Variants in YEATS2 observed in about 807,000 individuals in gnomAD.
YEATS2 encodes YEATS domain-containing protein 2.
A neutral mutation model predicts 163.2 loss-of-function variants in YEATS2; 77 were observed. The observed-to-expected ratio is 0.47, with a 90% CI of 0.39 to 0.57. YEATS2 has a LOEUF of 0.57. Ranked by LOEUF, YEATS2 falls within the 20% of genes least tolerant of loss-of-function variation. The pLI, the probability that YEATS2 is intolerant of heterozygous loss-of-function variation, is 0.00. For synonymous variants in YEATS2, 631 were observed against 645.1 expected, an observed-to-expected ratio of 0.98 and a Z score of 0.33; for missense variants, 1,549 against 1,729.8, an observed-to-expected ratio of 0.90 and a Z score of 1.85.
In YEATS2 at chr3:183,718,535, G is replaced by A. The variant is rs1366090935; in HGVS notation, c.234G>A (p.Leu78=). The part of the protein sequence containing the change: ...LIEARRMMDK[L]RACIVANYYA... ...AAGCAAGAAGGATGATGGATAAACT[G>A]CGTGCCTGCATTGTAGCAAACTACT... is the stretch of plus-strand genomic sequence containing the variant. Residue 78 remains leucine (L), a synonymous_variant, in exon 4 of 31, where the codon CTG becomes CTA. Coordinates refer to ENST00000305135, the MANE Select transcript of YEATS2 (RefSeq NM_018023.5). 1.9e-6 allele frequency: 3 copies of A among 1,613,482 alleles called. No homozygotes were observed. The highest frequency in any genetic ancestry group is 2.5e-6 in the Non-Finnish European group (3 of 1,179,906).
At chr3:183,775,025 T>G (rs1302519428) in intron 17 of YEATS2, among the ~76,000 whole-genome samples, 1 of 152,218 alleles carries the variant, frequency 6.6e-6, no homozygotes. Context: ...GAAGTTAGTA[T>G]TTGTTGAGTG....
In YEATS2 at chr3:183,810,854, C is replaced by T. The variant is rs1016350041; in HGVS notation, c.*271C>T. 3 of 424,048 alleles carry T rather than the reference C, an allele frequency of 7.1e-6. No homozygotes were observed. Among genetic ancestry groups the T allele is most frequent in the African/African-American group, 6.1e-5 (3 of 49,380 alleles). The allele number at this position is 424,048 out of a possible 1,614,324, so 26.3% of individuals were successfully genotyped here. A position where few individuals can be genotyped will look rare whatever the true frequency, so the allele number is the denominator to read the frequency against. ...CGTTTCTGCAGTCTTTGTAAAGGCCCCACGAGAGCGGGCCAGGCCGTGTGC... is the reference window on the plus strand; with the variant it reads ...CGTTTCTGCAGTCTTTGTAAAGGCCTCACGAGAGCGGGCCAGGCCGTGTGC... On this transcript the variant is annotated 3_prime_UTR_variant, in exon 31 of 31. Transcript: ENST00000305135.
At chr3:183,769,093 T>TC (rs1457098196) in intron 15 of YEATS2, among the ~76,000 whole-genome samples, 1 of 152,196 alleles carries the variant, frequency 6.6e-6, no homozygotes, top group Non-Finnish European at 1.5e-5. Context: ...TAAAATTGGT[T>TC]CTTTTATTCT....
chr3:183,793,492 A>C (rs1326979015), intron 21 of YEATS2: 161 of 963,832 alleles, frequency 1.7e-4, no homozygotes, highest in Non-Finnish European at 1.9e-4. Flanking sequence ...AATAATGAAT[A>C]CCTTGTCTGT....
chr3:183,701,207 G>A (rs1560210369), intron 1 of YEATS2, among the ~76,000 whole-genome samples: 1 of 149,908 alleles, frequency 6.7e-6, no homozygotes, highest in South Asian at 2.1e-4. Context: ...CAGCCTCCTG[G>A]GTAGGTGGGA....
At chr3:183,722,613 T>C (rs1171581705) in intron 5 of YEATS2, among the ~76,000 whole-genome samples, 1 of 151,084 alleles carries the variant, frequency 6.6e-6, no homozygotes, top group Non-Finnish European at 1.5e-5. Context: ...GATTTGGTTT[T>C]ACTTGCCCAA....
intron 5 of YEATS2, 73 bp downstream of exon 5, chr3:183,722,209 A>G: frequency 6.7e-7 from 1 of 1,491,332 alleles, no homozygotes; most frequent in Non-Finnish European, 9.0e-7. Context: ...TGCGCTTGTT[A>G]TCTCACTGAA....
intron 6 of YEATS2, among the ~76,000 whole-genome samples, chr3:183,725,041 C>CTTTTTTTTTTTT (rs62826962): frequency 5.6e-4 from 49 of 87,490 alleles, no homozygotes; most frequent in Admixed American, 1.0e-3. Context: ...CCGTGCCGGC[C>CTTTTTTTTTTTT]TTTTTTTTTT....
chr3:183,717,681 C>G lies in YEATS2; in HGVS notation c.131C>G (p.Thr44Ser). The change falls in exon 3 of 31, where the codon ACT becomes AGT. Residue 44 changes from threonine (T) to serine (S), a missense_variant. Thr to Ser is a moderately conservative substitution (Grantham distance 58). Coordinates refer to ENST00000305135, the MANE Select transcript of YEATS2 (RefSeq NM_018023.5). ...ARDAAVQKIE[T>S]IIKEQFALEM... ...GATGCTGCTGTGCAGAAGATTGAGA[C>G]TATTATCAAAGAACAGTTTGCTCTT... 1 of 1,567,706 alleles carries G rather than the reference C, an allele frequency of 6.4e-7. No homozygotes were observed. Among genetic ancestry groups the G allele is most frequent in the Non-Finnish European group, 8.6e-7 (1 of 1,163,748 alleles).
Position 183,758,874 on chromosome 3 carries a change from A to T in YEATS2, c.1565A>T (p.Asn522Ile), listed in dbSNP as rs554961621. Residue 522 changes from asparagine (N) to isoleucine (I), a missense_variant, in exon 13 of 31, where the codon AAC (asparagine) becomes ATC (isoleucine). Transcript: ENST00000305135. ...ATTPSTGSPTNKISTASQVSQ... is the reference protein window; with the variant it reads ...ATTPSTGSPTIKISTASQVSQ... ...CCTTGCTTATCAGGAAGTCCTACAA[A>T]CAAGATCTCCACGGCTTCTCAGGTC... 7 of 1,589,906 alleles carry T rather than the reference A, an allele frequency of 4.4e-6. No individual in the cohort carries two copies. Among genetic ancestry groups the T allele is most frequent in the Non-Finnish European group, 6.0e-6 (7 of 1,171,442 alleles).
chr3:183,729,002 G>A lies in YEATS2; in HGVS notation c.812+151G>A, dbSNP rs571872472. The A allele has an allele frequency of 7.6e-4, 649 of 858,130 alleles. 3 individuals carry two copies. The highest frequency in any genetic ancestry group is 9.5e-4 in the Non-Finnish European group (543 of 569,798). The allele number at this position is 858,130 out of a possible 1,614,324, so 53.2% of individuals were successfully genotyped here. On this transcript the variant is annotated intron_variant, in intron 7 of 30. Coordinates refer to ENST00000305135, the MANE Select transcript of YEATS2 (RefSeq NM_018023.5). ...AAAATGTAGTTGGAGGCCGGGTGGG[G>A]TGGCTCACACCTATAATCCAAGCAC...
intron 10 of YEATS2, 49 bp from the exon 11 acceptor site, chr3:183,754,077 A>C: frequency 6.7e-7 from 1 of 1,501,278 alleles, no homozygotes; most frequent in African/African-American, 1.4e-5. Context: ...GTAAGGTTTT[A>C]TTTCAAAGCG....
intron 1 of YEATS2, among the ~76,000 whole-genome samples, chr3:183,712,025 G>A (rs1318836532): frequency 6.6e-6 from 1 of 151,296 alleles, no homozygotes; most frequent in African/African-American, 2.4e-5. Flanking sequence ...TCACCATGTT[G>A]GCTAGGCTGG....
intron 7 of YEATS2, among the ~76,000 whole-genome samples, chr3:183,730,425 A>C (rs757151835): frequency 6.6e-6 from 1 of 152,016 alleles, no homozygotes; most frequent in Admixed American, 6.6e-5. Flanking sequence ...TGAAATCTCT[A>C]TTCTCTGCTC....
intron 15 of YEATS2, among the ~76,000 whole-genome samples, chr3:183,764,368 T>TAAAAA (rs11452949): frequency 1.9e-5 from 2 of 105,224 alleles, no homozygotes; most frequent in Non-Finnish European, 3.6e-5. Context: ...AAACTCTGTT[T>TAAAAA]AAAAAAAAAA....
At chr3:183,807,333 A>T in intron 28 of YEATS2, 1 of 483,526 alleles carries the variant, frequency 2.1e-6, no homozygotes, top group Non-Finnish European at 3.7e-6. Context: ...ATGTGAAAAC[A>T]TTGCTTGTTG....
chr3:183,729,411 A>G (rs914040775), intron 7 of YEATS2, among the ~76,000 whole-genome samples: 8 of 152,246 alleles, frequency 5.3e-5, no homozygotes, highest in Non-Finnish European at 1.0e-4. Flanking sequence ...AAACTTGTTT[A>G]TATAGATACA....
At chr3:183,710,066 G>A (rs1349084159) in intron 1 of YEATS2, among the ~76,000 whole-genome samples, 1 of 152,136 alleles carries the variant, frequency 6.6e-6, no homozygotes, top group African/African-American at 2.4e-5. Flanking sequence ...TTCAGTTTTT[G>A]TCTCAGAGTA....
At chr3:183,762,934 C>G (rs1034771261) in intron 15 of YEATS2, among the ~76,000 whole-genome samples, 1 of 151,844 alleles carries the variant, frequency 6.6e-6, no homozygotes, top group Admixed American at 6.6e-5. Context: ...GCCTGTAATC[C>G]CAGCTACTCG....
Sources: allele counts gnomAD v4.1 joint callset (sites outside exome capture counted in the v4.1 genomes callset), GRCh38; gene constraint gnomAD v4.1.1; transcripts MANE v1.5; gene names NCBI Gene and HGNC (gene_info 2026-07-23, HGNC 2026-07-21).